TBC1D14: variants seen among roughly 807,000 people sequenced by gnomAD.
The protein encoded by TBC1D14 is TBC1 domain family, member 14.
TBC1D14 carries 26 observed loss-of-function variants against 79.0 expected under a neutral mutation model. That is an observed-to-expected ratio of 0.33 (90% CI 0.24 to 0.46). TBC1D14 has a LOEUF of 0.46. TBC1D14 is among the 20% of genes least tolerant of loss of function. The pLI is 1.00. For synonymous variants in TBC1D14, 394 were observed against 349.9 expected (o/e 1.13, Z -1.40); for missense variants, 769 against 887.6 (o/e 0.87, Z 1.70).
intron 2 of TBC1D14, 129 bp from the exon 3 acceptor site, chr4:6,967,175 C>G (rs938696431): frequency 1.6e-6 from 2 of 1,228,562 alleles, no homozygotes; most frequent in African/African-American, 3.0e-5. Context: ...GTATGAAAAT[C>G]AAGTCTGAAG....
intron 3 of TBC1D14, among the ~76,000 whole-genome samples, chr4:6,991,360 G>GC (rs1383447051): frequency 6.6e-6 from 1 of 152,154 alleles, no homozygotes; most frequent in Admixed American, 6.5e-5. Flanking sequence ...GAACCCCAGC[G>GC]CGTGGCCTGT....
intron 12 of TBC1D14, among the ~76,000 whole-genome samples, chr4:7,024,553 G>A (rs907566049): frequency 1.3e-5 from 2 of 152,192 alleles, no homozygotes; most frequent in Non-Finnish European, 1.5e-5. Context: ...GAGCCTAAGG[G>A]CACCCAGAGG....
At position 6,999,002 on chromosome 4, in the gene TBC1D14, G is replaced by T. The variant is rs867041504; in HGVS notation, c.1046-83G>T. 1.6e-5 allele frequency: 22 copies of T among 1,369,576 alleles called. 1 individual carries two copies. The highest frequency in any genetic ancestry group is 3.6e-4 in the Middle Eastern group (2 of 5,602). The allele number at this position is 1,369,576 out of a possible 1,614,324, so 84.8% of individuals were successfully genotyped here. On this transcript the variant is annotated intron_variant, in intron 5 of 13. Transcript: ENST00000409757. ...TCAGGGCGGTTTTCCTGGTGTGTTCGCAGTGTGACAGGAAAATCACCTTGC... is the reference window on the plus strand; with the variant it reads ...TCAGGGCGGTTTTCCTGGTGTGTTCTCAGTGTGACAGGAAAATCACCTTGC...
At chr4:6,956,990 A>G (rs1714706597) in intron 2 of TBC1D14, among the ~76,000 whole-genome samples, 1 of 152,134 alleles carries the variant, frequency 6.6e-6, no homozygotes, top group African/African-American at 2.4e-5. Context: ...CCTCCACCAC[A>G]CCCCACAGCT....
chr4:7,010,822 T>C (rs1720687335), intron 11 of TBC1D14, 41 bp downstream of exon 11: 1 of 1,590,578 alleles, frequency 6.3e-7, no homozygotes, highest in African/African-American at 1.4e-5. Context: ...ACTGTGTCTT[T>C]AAATGTCAAG....
intron 2 of TBC1D14, among the ~76,000 whole-genome samples, chr4:6,927,433 C>G (rs547612057): frequency 6.6e-6 from 1 of 152,198 alleles, no homozygotes; most frequent in Admixed American, 6.5e-5. Flanking sequence ...GATAAAACTA[C>G]TGTATAAGGT....
chr4:6,947,223 C>T (rs12642852), intron 2 of TBC1D14, among the ~76,000 whole-genome samples: 112,623 of 151,702 alleles, frequency 0.74, 42,850 homozygotes, highest in East Asian at 0.97. Flanking sequence ...TTAGGGCAGG[C>T]GCGGTGGCTC....
At chr4:6,917,823 A>G (rs1723523590) in intron 1 of TBC1D14, among the ~76,000 whole-genome samples, 1 of 152,100 alleles carries the variant, frequency 6.6e-6, no homozygotes, top group South Asian at 2.1e-4. Flanking sequence ...CTTCCCCTAT[A>G]AAGGGTATTA....
intron 1 of TBC1D14, among the ~76,000 whole-genome samples, chr4:6,918,592 C>G (rs1445616955): frequency 6.6e-6 from 1 of 152,194 alleles, no homozygotes; most frequent in Admixed American, 6.5e-5. Context: ...GAAGTTGAGG[C>G]TCAGAAGGGT....
At chr4:6,975,209 C>T (rs749939672) in intron 3 of TBC1D14, among the ~76,000 whole-genome samples, 11 of 151,032 alleles carry the variant, frequency 7.3e-5, no homozygotes, top group South Asian at 2.1e-4. Flanking sequence ...CCGCCGCGCC[C>T]GGCCTGTTTT....
At chr4:6,971,356 T>G (rs913000197) in intron 3 of TBC1D14, among the ~76,000 whole-genome samples, 1 of 152,248 alleles carries the variant, frequency 6.6e-6, no homozygotes, top group Non-Finnish European at 1.5e-5. Context: ...GTCTTGACTT[T>G]TAATCAATAG....
chr4:6,922,974 G>A (rs908718625), intron 1 of TBC1D14, among the ~76,000 whole-genome samples: 5 of 152,220 alleles, frequency 3.3e-5, no homozygotes, highest in African/African-American at 1.2e-4. Context: ...GCCGAGGTGG[G>A]TGGATTGCTT....
intron 1 of TBC1D14, among the ~76,000 whole-genome samples, chr4:6,919,587 C>T (rs935181539): frequency 5.9e-5 from 9 of 152,108 alleles, no homozygotes; most frequent in African/African-American, 1.4e-4. Context: ...CTCACTGGGT[C>T]GTATTTCAAG....
intron 7 of TBC1D14, among the ~76,000 whole-genome samples, chr4:7,004,446 A>T (rs975528184): frequency 6.6e-6 from 1 of 152,212 alleles, no homozygotes; most frequent in African/African-American, 2.4e-5. Flanking sequence ...TCATTGAGAC[A>T]TTCCTTGATT....
At chr4:6,959,175 G>A (rs1333600314) in intron 2 of TBC1D14, among the ~76,000 whole-genome samples, 3 of 152,076 alleles carry the variant, frequency 2.0e-5, no homozygotes, top group East Asian at 3.9e-4. Flanking sequence ...GTGAGCCACC[G>A]CGCCCGGCCG....
At chr4:6,979,110 A>G (rs1170831472) in intron 3 of TBC1D14, among the ~76,000 whole-genome samples, 1 of 152,224 alleles carries the variant, frequency 6.6e-6, no homozygotes, top group East Asian at 1.9e-4. Flanking sequence ...AACTATACAA[A>G]GAGATGGCAA....
At chr4:6,987,141 A>C (rs1166134680) in intron 3 of TBC1D14, 15 of 1,010,608 alleles carry the variant, frequency 1.5e-5, no homozygotes, top group Non-Finnish European at 1.5e-5. Context: ...GTCTCCAGCC[A>C]GGCCTGACGC....
At chr4:6,991,870 T>C (rs1008756226) in intron 3 of TBC1D14, among the ~76,000 whole-genome samples, 5 of 152,256 alleles carry the variant, frequency 3.3e-5, no homozygotes, top group Non-Finnish European at 7.3e-5. Flanking sequence ...TAAGAAGCTC[T>C]GACTGAAGCG....
intron 6 of TBC1D14, among the ~76,000 whole-genome samples, chr4:7,000,894 C>T (rs1172076314): frequency 1.3e-5 from 2 of 152,164 alleles, no homozygotes; most frequent in African/African-American, 2.4e-5. Flanking sequence ...GGCCCCAGAG[C>T]GTGCCTGGGC....
Sources: allele counts gnomAD v4.1 joint callset (sites outside exome capture counted in the v4.1 genomes callset), GRCh38; gene constraint gnomAD v4.1.1; transcripts MANE v1.5; gene names NCBI Gene and HGNC (gene_info 2026-07-23, HGNC 2026-07-21).